LRIG1: variants seen among roughly 807,000 people sequenced by gnomAD.
LRIG1 encodes leucine rich repeats and immunoglobulin like domains 1.
A neutral mutation model predicts 99.2 loss-of-function variants in LRIG1; 48 were observed. The ratio of observed to expected loss-of-function variants is 0.48; its 90% CI spans 0.38 to 0.62. The LOEUF is 0.62. Ranked by LOEUF, LRIG1 falls within the 20% of genes least tolerant of loss-of-function variation. The pLI, the probability that LRIG1 is intolerant of heterozygous loss-of-function variation, is 0.00. For synonymous variants in LRIG1, 772 were observed against 596.1 expected (o/e 1.29, Z -4.30); for missense variants, 1,646 against 1,434.4 (o/e 1.15, Z -2.38).
rs1700952740 is a variant in LRIG1, at chr3:66,380,204, C to G, written c.*59G>C. 4 of 1,427,844 alleles carry G rather than the reference C, an allele frequency of 2.8e-6. No individual in the cohort carries two copies. The allele number at this position is 1,427,844 out of a possible 1,614,324, so 88.4% of individuals were successfully genotyped here. On this transcript the variant is annotated 3_prime_UTR_variant, in exon 19 of 19. Transcript: ENST00000273261. ...CGCTTGAACCCAAGCTTCCTCGCAG[C>G]CTCTCCTACCTCTCTTTCCCGTAGA...
intron 1 of LRIG1, among the ~76,000 whole-genome samples, chr3:66,470,107 G>C (rs1023665374): frequency 6.6e-6 from 1 of 152,140 alleles, no homozygotes; most frequent in Non-Finnish European, 1.5e-5. Context: ...TAAAGTTTCA[G>C]CTTTTCTTGA....
intron 1 of LRIG1, among the ~76,000 whole-genome samples, chr3:66,490,518 G>A (rs1342435047): frequency 1.3e-5 from 2 of 152,116 alleles, no homozygotes; most frequent in Admixed American, 1.3e-4. Context: ...TAAGACGGAG[G>A]CATGATGCTG....
In LRIG1 at chr3:66,412,879, C is replaced by T. The variant is rs200835065; in HGVS notation, c.783G>A (p.Met261Ile). 1.1e-4 allele frequency: 184 copies of T among 1,614,126 alleles called. No homozygotes were observed. The East Asian group carries it at 4.0e-3, about 35-fold the overall frequency. Residue 261 changes from methionine to isoleucine, a missense_variant, in exon 6 of 19, where the codon ATG becomes ATA. By Grantham distance (10) the Met-to-Ile change is conservative (BLOSUM62 1). Coordinates refer to ENST00000273261, the MANE Select transcript of LRIG1 (RefSeq NM_015541.3). ...ACCTGGTCCGCACTTACAGCACATG[C>T]ATCTTGGACAGTCCCCAGAAGGCCC... ...TDGAFWGLSKMHVLHLEYNSL... is the reference protein window; with the variant it reads ...TDGAFWGLSKIHVLHLEYNSL...
intron 9 of LRIG1, among the ~76,000 whole-genome samples, chr3:66,400,936 C>T (rs1429300625): frequency 6.6e-6 from 1 of 152,044 alleles, no homozygotes; most frequent in African/African-American, 2.4e-5. Flanking sequence ...TGGCCAGCTT[C>T]CAGGGCAGCC....
intron 1 of LRIG1, chr3:66,498,265 T>TA (rs1701273096): frequency 6.6e-6 from 1 of 152,110 alleles, no homozygotes; most frequent in Non-Finnish European, 1.5e-5. Context: ...AATGTGTGAG[T>TA]AAAAGAGAAG....
intron 3 of LRIG1, among the ~76,000 whole-genome samples, chr3:66,446,960 TG>T (rs1163881092): frequency 3.6e-5 from 2 of 56,140 alleles, no homozygotes; most frequent in African/African-American, 6.8e-5. Flanking sequence ...CGGGGTGGGT[TG>T]GGGGGTGATG....
At chr3:66,419,946 C>A (rs987249140) in intron 3 of LRIG1, among the ~76,000 whole-genome samples, 1 of 152,198 alleles carries the variant, frequency 6.6e-6, no homozygotes, top group Non-Finnish European at 1.5e-5. Context: ...TCCCTTCCAT[C>A]CTTGCCCACT....
In LRIG1 at chr3:66,500,265, G is replaced by A; in HGVS notation, c.143C>T (p.Ala48Val). ...CCCACCGCAGTCCAGCGAGTCCCCA[G>A]CGCAAGTGCAGGCGGCCGCGCAGGG... ...RAPCAAACTC[A>V]GDSLDCGGRG... is the part of the protein sequence containing the mutation. Residue 48 changes from alanine (A) to valine (V), a missense_variant, in exon 1 of 19, where the codon GCT becomes GTT. Coordinates refer to ENST00000273261, the MANE Select transcript of LRIG1 (RefSeq NM_015541.3). 1.3e-6 allele frequency: 2 copies of A among 1,499,770 alleles called. No homozygotes were observed. Among genetic ancestry groups the A allele is most frequent in the African/African-American group, 1.4e-5 (1 of 69,462 alleles). 92.9% of individuals were successfully genotyped at this position (1,499,770 alleles called of 1,614,324 possible).
intron 9 of LRIG1, among the ~76,000 whole-genome samples, chr3:66,399,408 G>C (rs1226351300): frequency 1.3e-5 from 2 of 152,192 alleles, no homozygotes; most frequent in Non-Finnish European, 2.9e-5. Context: ...GTGATGGAGA[G>C]ATGAGACTGA....
At chr3:66,386,369 T>C in intron 12 of LRIG1, 68 bp from the exon 13 acceptor site, 2 of 1,368,340 alleles carry the variant, frequency 1.5e-6, no homozygotes, top group Admixed American at 1.9e-5. Context: ...CTGCTGTTCA[T>C]GCTAACAGAA....
Position 66,500,872 on chromosome 3 carries a change from GCCGGCCCCGC to G in LRIG1, c.-475_-466del, listed in dbSNP as rs1381292522. The G allele has an allele frequency of 6.6e-6, 1 of 151,872 alleles. No individual in the cohort carries two copies. The highest frequency in any genetic ancestry group is 1.5e-5 in the Non-Finnish European group (1 of 68,002). 9.4% of individuals were successfully genotyped at this position (151,872 alleles called of 1,614,324 possible). The stretch of plus-strand genomic sequence containing the variant: ...CGTAGACCTCGGGCTGGACGGCGCG[GCCGGCCCCGC>G]GCTGGGAGGCCCCAGTGCGCCTCGC... On this transcript the variant is annotated 5_prime_UTR_variant, in exon 1 of 19. Coordinates refer to ENST00000273261, the MANE Select transcript of LRIG1 (RefSeq NM_015541.3).
At position 66,412,888 on chromosome 3, in the gene LRIG1, C is replaced by G. The variant is rs371188390; in HGVS notation, c.774G>C (p.Leu258=). The G allele has an allele frequency of 1.9e-6, 3 of 1,614,040 alleles. No homozygotes were observed. Among genetic ancestry groups the G allele is most frequent in the African/African-American group, 1.3e-5 (1 of 74,940 alleles). The change falls in exon 6 of 19, where the codon CTG becomes CTC. Residue 258 remains leucine (L), a synonymous_variant. Transcript: ENST00000273261. ...SKLTDGAFWG[L]SKMHVLHLEY... ...GCACTTACAGCACATGCATCTTGGA[C>G]AGTCCCCAGAAGGCCCCATCTGTCA...
At chr3:66,446,427 A>G (rs1257269073) in intron 3 of LRIG1, among the ~76,000 whole-genome samples, 1 of 135,480 alleles carries the variant, frequency 7.4e-6, no homozygotes, top group African/African-American at 2.8e-5. Context: ...TTTTTTTGAG[A>G]AAGAGTTTGT....
intron 2 of LRIG1, among the ~76,000 whole-genome samples, chr3:66,460,120 TCTGTGTCCTGTTCACTCTTGTAG>T (rs1436632356): frequency 3.9e-5 from 6 of 152,076 alleles, no homozygotes; most frequent in African/African-American, 1.4e-4. Context: ...CCCAGCCCTA[TCTGTGTCCTGTTCACTCTTGTAG>T]CCCCAGCACC....
rs536809138 is a variant in LRIG1 at position 66,496,257 on chromosome 3, G to C, written c.218+3933C>G. Among the ~76,000 whole-genome samples the C allele has an allele frequency of 4.6e-5, 7 of 152,342 alleles. No individual in the cohort carries two copies. The East Asian group carries it at 1.4e-3, about 29-fold the overall frequency. The stretch of plus-strand genomic sequence containing the variant: ...CAGTTCTGACATGTCCTAAAGGCAA[G>C]AGGGACATTGTGTGCCAATACACAG... On this transcript the variant is annotated intron_variant, in intron 1 of 18. Transcript: ENST00000273261.
chr3:66,417,832 T>C (rs1389990884), intron 3 of LRIG1, among the ~76,000 whole-genome samples: 1 of 151,460 alleles, frequency 6.6e-6, no homozygotes, highest in Non-Finnish European at 1.5e-5. Context: ...ATCCTGACAA[T>C]GTAAAATGGG....
At chr3:66,460,339 G>C (rs1246254485) in intron 2 of LRIG1, among the ~76,000 whole-genome samples, 1 of 152,178 alleles carries the variant, frequency 6.6e-6, no homozygotes, top group South Asian at 2.1e-4. Context: ...AAAGCACTGG[G>C]TTACAAACCT....
chr3:66,412,794 C>A, intron 6 of LRIG1, 77 bp downstream of exon 6: 3 of 1,531,502 alleles, frequency 2.0e-6, no homozygotes, highest in Non-Finnish European at 2.7e-6. Flanking sequence ...CACATGCATG[C>A]GCACACACAC....
intron 1 of LRIG1, among the ~76,000 whole-genome samples, chr3:66,463,116 T>C (rs1204466619): frequency 2.0e-5 from 3 of 152,108 alleles, no homozygotes; most frequent in Non-Finnish European, 4.4e-5. Flanking sequence ...CAGGCAGCCC[T>C]GCACGACTGA....
Sources: allele counts gnomAD v4.1 joint callset (sites outside exome capture counted in the v4.1 genomes callset), GRCh38; gene constraint gnomAD v4.1.1; transcripts MANE v1.5; gene names NCBI Gene and HGNC (gene_info 2026-07-23, HGNC 2026-07-21).